The following PRKCQ variants were observed in gnomAD, a reference collection of about 807,000 sequenced individuals.
PRKCQ encodes the protein protein kinase C theta type.
A neutral mutation model predicts 91.2 loss-of-function variants in PRKCQ; 41 were observed. The observed-to-expected ratio is 0.45, with a 90% CI of 0.35 to 0.58. PRKCQ has a LOEUF of 0.58. PRKCQ is among the 20% of genes least tolerant of loss of function. The pLI, the probability that PRKCQ is intolerant of heterozygous loss-of-function variation, is 0.00. For missense variants in PRKCQ, 673 were observed against 896.5 expected (o/e 0.75, Z 3.18); for synonymous variants, 307 against 316.9 (o/e 0.97, Z 0.33).
chr10:6,489,837 C>T (rs953355295), intron 8 of PRKCQ, among the ~76,000 whole-genome samples: 2 of 152,002 alleles, frequency 1.3e-5, no homozygotes, highest in African/African-American at 4.8e-5. Context: ...TGAAACGAAG[C>T]AGGCAGAAGA....
intron 12 of PRKCQ, among the ~76,000 whole-genome samples, chr10:6,467,132 C>CA (rs1367587140): frequency 1.3e-5 from 2 of 152,094 alleles, no homozygotes; most frequent in African/African-American, 2.4e-5. Flanking sequence ...CCAGGAAAGA[C>CA]AAAACCAAAA....
At chr10:6,495,566 T>A (rs187382262) in intron 7 of PRKCQ, among the ~76,000 whole-genome samples, 18 of 152,366 alleles carry the variant, frequency 1.2e-4, no homozygotes, top group African/African-American at 4.3e-4. Flanking sequence ...TTGTTCACTA[T>A]CTTTGTAGCA....
chr10:6,490,399 GT>G (rs760559685), intron 8 of PRKCQ, among the ~76,000 whole-genome samples: 40 of 151,934 alleles, frequency 2.6e-4, no homozygotes, highest in Admixed American at 1.1e-3. Context: ...AAAAAATAAA[GT>G]GGCTTATATA....
At chr10:6,488,776 T>C (rs1564344333) in intron 8 of PRKCQ, among the ~76,000 whole-genome samples, 1 of 152,094 alleles carries the variant, frequency 6.6e-6, no homozygotes, top group Non-Finnish European at 1.5e-5. Context: ...TTTAAAATCT[T>C]TGTTGTTGTG....
At chr10:6,471,286 C>T (rs987886966) in intron 12 of PRKCQ, among the ~76,000 whole-genome samples, 3 of 152,174 alleles carry the variant, frequency 2.0e-5, no homozygotes, top group Admixed American at 6.5e-5. Flanking sequence ...ATTATTTAAA[C>T]AGAACATATG....
intron 15 of PRKCQ, among the ~76,000 whole-genome samples, chr10:6,446,652 C>T (rs2132274683): frequency 6.6e-6 from 1 of 152,166 alleles, no homozygotes; most frequent in East Asian, 1.9e-4. Flanking sequence ...AGGCATGAGC[C>T]ACCATGCCCG....
chr10:6,460,502 A>G (rs912979600), intron 14 of PRKCQ, among the ~76,000 whole-genome samples: 1 of 150,862 alleles, frequency 6.6e-6, no homozygotes. Flanking sequence ...TAACTTTTTA[A>G]ATTTTTTGAG....
chr10:6,509,901 T>C (rs1838385936), intron 3 of PRKCQ, among the ~76,000 whole-genome samples: 1 of 152,186 alleles, frequency 6.6e-6, no homozygotes, highest in East Asian at 1.9e-4. Flanking sequence ...TTTTTTTAGG[T>C]CAAAAATACA....
intron 1 of PRKCQ, among the ~76,000 whole-genome samples, chr10:6,530,002 C>T (rs189185998): frequency 1.3e-5 from 2 of 152,256 alleles, no homozygotes; most frequent in East Asian, 3.9e-4. Flanking sequence ...GAACCACTTG[C>T]CAAGGGGATG....
the PRKCQ span, among the ~76,000 whole-genome samples, chr10:6,405,181 C>A: frequency 1.3e-5 from 2 of 152,140 alleles, no homozygotes; most frequent in Non-Finnish European, 2.9e-5. Context: ...CAGGGTTTCA[C>A]CATGTTGGCC....
intron 3 of PRKCQ, among the ~76,000 whole-genome samples, chr10:6,510,514 A>C (rs1393397612): frequency 6.6e-6 from 1 of 152,218 alleles, no homozygotes; most frequent in East Asian, 1.9e-4. Context: ...AATAAAATTA[A>C]GATTTTGATA....
chr10:6,558,448 T>C (rs530665629), intron 1 of PRKCQ, among the ~76,000 whole-genome samples: 8 of 152,218 alleles, frequency 5.3e-5, no homozygotes, highest in Admixed American at 1.3e-4. Flanking sequence ...TGATTTAATT[T>C]GCAAAACCAC....
chr10:6,524,828 C>T (rs1762888579), intron 1 of PRKCQ, among the ~76,000 whole-genome samples: 2 of 152,208 alleles, frequency 1.3e-5, no homozygotes, highest in African/African-American at 4.8e-5. Context: ...CCCCAGCTGG[C>T]CCACCTCCCT....
At chr10:6,494,245 G>A (rs1051460089) in intron 7 of PRKCQ, among the ~76,000 whole-genome samples, 1 of 152,060 alleles carries the variant, frequency 6.6e-6, no homozygotes, top group Non-Finnish European at 1.5e-5. Flanking sequence ...AAGCTCCAGG[G>A]ACCAGTCTCC....
chr10:6,557,571 T>C (rs562059370), intron 1 of PRKCQ, among the ~76,000 whole-genome samples: 22 of 152,202 alleles, frequency 1.4e-4, no homozygotes, highest in Non-Finnish European at 2.8e-4. Flanking sequence ...CCCTTTTTTT[T>C]AAACCAACAT....
At chr10:6,475,261 C>T (rs1836211264) in intron 12 of PRKCQ, among the ~76,000 whole-genome samples, 1 of 152,194 alleles carries the variant, frequency 6.6e-6, no homozygotes, top group South Asian at 2.1e-4. Flanking sequence ...TTACAGCTCC[C>T]AGCCCCTCTG....
At chr10:6,418,720 G>C in the PRKCQ span, among the ~76,000 whole-genome samples, 1 of 152,260 alleles carries the variant, frequency 6.6e-6, no homozygotes, top group South Asian at 2.1e-4. Context: ...TATATTTCCT[G>C]TGCTTTTTCA....
At chr10:6,504,005 T>C (rs1402138850) in intron 4 of PRKCQ, among the ~76,000 whole-genome samples, 2 of 152,210 alleles carry the variant, frequency 1.3e-5, no homozygotes, top group Non-Finnish European at 2.9e-5. Context: ...CTCAAACTCC[T>C]GGATTCAAGT....
At chr10:6,415,403 TACA>T in the PRKCQ span, among the ~76,000 whole-genome samples, 1 of 77,938 alleles carries the variant, frequency 1.3e-5, no homozygotes, top group Admixed American at 1.8e-4. Context: ...CCCAAGAAAA[TACA>T]TATATATATA....
Sources: allele counts gnomAD v4.1 joint callset (sites outside exome capture counted in the v4.1 genomes callset), GRCh38; gene constraint gnomAD v4.1.1; transcripts MANE v1.5; gene names NCBI Gene and HGNC (gene_info 2026-07-23, HGNC 2026-07-21).